The following GIGYF1 variants were observed in gnomAD, a reference collection of about 807,000 sequenced individuals.
The protein encoded by GIGYF1 is GRB10-interacting GYF protein 1.
GIGYF1 carries 84 observed loss-of-function variants against 147.1 expected under a neutral mutation model. The ratio of observed to expected loss-of-function variants is 0.57; its 90% confidence interval spans 0.48 to 0.68. The LOEUF (loss-of-function observed/expected upper bound fraction) is 0.68, where lower values mean the gene tolerates loss of function less well. GIGYF1 is among the 30% of genes least tolerant of loss of function. The pLI is 0.00. For synonymous variants in GIGYF1, 752 were observed against 589.5 expected, an observed-to-expected ratio of 1.28 and a Z score of -3.99; for missense variants, 1,485 against 1,393.7, an observed-to-expected ratio of 1.07 and a Z score of -1.04.
Position 100,684,758 on chromosome 7 carries a change from T to C in GIGYF1, c.1427A>G (p.Lys476Arg), listed in dbSNP as rs144129839. The C allele has an allele frequency of 6.1e-5, 98 of 1,612,292 alleles. No individual in the cohort carries two copies. The East Asian group carries it at 2.1e-3, about 35-fold the overall frequency. The change falls in exon 15 of 27, where the codon AAG becomes AGG. Residue 476 changes from lysine (K) to arginine (R), a missense_variant. Lys to Arg is a conservative substitution (Grantham distance 26). Transcript: ENST00000678049. Reference sequence around the variant, plus strand: ...GCCCTGTGGGTCCTTGTAGAACCACTTCCGGGCAGCCCCATGGCTGAGCGG... The same window carrying C: ...GCCCTGTGGGTCCTTGTAGAACCACCTCCGGGCAGCCCCATGGCTGAGCGG... ...ALPLSHGAAR[K>R]WFYKDPQGEI...
In GIGYF1 at chr7:100,685,412, A is replaced by C. The variant is rs764733811; in HGVS notation, c.1124T>G (p.Leu375Arg). ...KSSSPSPLPT[L>R]GPLWGTNGDG... Reference sequence around the variant, plus strand: ...CCCGTTTGTCCCCCAGAGTGGGCCCAGGGTGGGCAGTGGGGATGGGGAGCT... The same window carrying C: ...CCCGTTTGTCCCCCAGAGTGGGCCCCGGGTGGGCAGTGGGGATGGGGAGCT... Residue 375 changes from leucine (L) to arginine (R), a missense_variant, in exon 13 of 27, where the codon CTG (leucine) becomes CGG (arginine). Physicochemically the swap from Leu to Arg is moderately radical, Grantham distance 102. Transcript: ENST00000678049. The C allele has an allele frequency of 1.3e-6, 2 of 1,587,920 alleles. No homozygotes were observed. The highest frequency in any genetic ancestry group is 2.1e-4 in the Middle Eastern group (1 of 4,684).
rs750591404 is a variant in GIGYF1 at position 100,688,083 on chromosome 7, G to A, written c.63C>T (p.Ser21=). Residue 21 remains serine, a synonymous_variant, in exon 5 of 27, where the codon AGC becomes AGT. Transcript: ENST00000678049. ...CAGGGGACGGGGGTGGGGAGGCCAC[G>A]CTGCCGCCCCCGGACAGGGCCCTGA... ...EWLRALSGGG[S]VASPPPSPAM... is the part of the protein sequence containing the mutation. The A allele has an allele frequency of 2.0e-5, 32 of 1,611,078 alleles. No individual in the cohort carries two copies. Among genetic ancestry groups the A allele is most frequent in the East Asian group, 8.9e-5 (4 of 44,866 alleles).
At chr7:100,690,983 C>G (rs1413030513) in intron 1 of GIGYF1, among the ~76,000 whole-genome samples, 1 of 151,676 alleles carries the variant, frequency 6.6e-6, no homozygotes, top group African/African-American at 2.4e-5. Context: ...AGGCCCAGAG[C>G]AGGAAAAAGC....
At chr7:100,682,505 G>T in intron 23 of GIGYF1, 23 bp from the exon 24 acceptor site, 5 of 1,608,162 alleles carry the variant, frequency 3.1e-6, no homozygotes, top group Non-Finnish European at 4.2e-6. Context: ...GGTGAGTCAG[G>T]GTTGGAAATC....
In GIGYF1 at chr7:100,687,822, G is replaced by A; in HGVS notation, c.227C>T (p.Pro76Leu). ...AAVLQDEPLQPLALEPLTEEE... is the reference protein window; with the variant it reads ...AAVLQDEPLQLLALEPLTEEE... ...CTCAGTCAGCGGCTCCAGAGCCAGG[G>A]GCTGCAGTGGCTCGTCCTGCAGCAC... is the stretch of plus-strand genomic sequence containing the variant. Residue 76 changes from proline (P) to leucine (L), a missense_variant, in exon 6 of 27, where the codon CCC (proline) becomes CTC (leucine). Coordinates refer to ENST00000678049, the MANE Select transcript of GIGYF1 (RefSeq NM_001375765.1). 3.1e-6 allele frequency: 5 copies of A among 1,613,002 alleles called. No individual in the cohort carries two copies. Among genetic ancestry groups the A allele is most frequent in the Non-Finnish European group, 4.2e-6 (5 of 1,179,996 alleles).
In GIGYF1 at chr7:100,688,324, G is replaced by A. The variant is rs1004133748; in HGVS notation, c.-69-17C>T. ...TCCAAACACCTGTGGGGGAACAGGG[G>A]CCATGAAGAACAGCACACGAAGGAG... On this transcript the variant is annotated splice_polypyrimidine_tract_variant and intron_variant, in intron 3 of 26. Coordinates refer to ENST00000678049, the MANE Select transcript of GIGYF1 (RefSeq NM_001375765.1). 44 of 1,130,970 alleles carry A rather than the reference G, an allele frequency of 3.9e-5. No homozygotes were observed. The Admixed American group carries it at 7.6e-4, about 20-fold the overall frequency. The allele number at this position is 1,130,970 out of a possible 1,614,324, so 70.1% of individuals were successfully genotyped here. A position where few individuals can be genotyped will look rare whatever the true frequency, so the allele number is the denominator to read the frequency against.
chr7:100,682,623 C>A lies in GIGYF1; in HGVS notation c.2567G>T (p.Gly856Val), dbSNP rs757246010. The A allele has an allele frequency of 6.3e-7, 1 of 1,597,668 alleles. No homozygotes were observed. Among genetic ancestry groups the A allele is most frequent in the Admixed American group, 1.7e-5 (1 of 58,732 alleles). Residue 856 changes from glycine (G) to valine (V), a missense_variant, in exon 23 of 27, where the codon GGC (glycine) becomes GTC (valine). Physicochemically the swap from Gly to Val is moderately radical, Grantham distance 109. Transcript: ENST00000678049. The stretch of plus-strand genomic sequence containing the variant: ...TGGGCTGCTCCGGCTGTTCTTCAGG[C>A]CGAGGCCACGGACCAGGCTCCCGCC... ...KSGGSLVRGL[G>V]LKNSRSSPSL...
intron 20 of GIGYF1, 32 bp from the exon 21 acceptor site, chr7:100,683,476 TG>T: frequency 6.2e-7 from 1 of 1,614,160 alleles, no homozygotes; most frequent in Non-Finnish European, 8.5e-7. Context: ...AGGGGAGAGC[TG>T]CAGGGGACAG....
intron 14 of GIGYF1, 50 bp from the exon 15 acceptor site, chr7:100,684,944 T>C: frequency 1.3e-6 from 2 of 1,594,788 alleles, no homozygotes; most frequent in Non-Finnish European, 1.7e-6. Context: ...CTCAGCAACA[T>C]CAGGATGGGG....
In GIGYF1 at chr7:100,685,399, C is replaced by G. The variant is rs759941464; in HGVS notation, c.1137G>C (p.Trp379Cys). The change falls in exon 13 of 27, where the codon TGG (tryptophan) becomes TGC (cysteine). Residue 379 changes from tryptophan (W) to cysteine (C), a missense_variant. Physicochemically the swap from Trp to Cys is radical, Grantham distance 215. Coordinates refer to ENST00000678049, the MANE Select transcript of GIGYF1 (RefSeq NM_001375765.1). ...PSPLPTLGPL[W>C]GTNGDGDETA... Reference sequence around the variant, plus strand: ...TTTCGTCCCCATCCCCGTTTGTCCCCCAGAGTGGGCCCAGGGTGGGCAGTG... The same window carrying G: ...TTTCGTCCCCATCCCCGTTTGTCCCGCAGAGTGGGCCCAGGGTGGGCAGTG... The G allele has an allele frequency of 6.3e-7, 1 of 1,591,046 alleles. No individual in the cohort carries two copies. Among genetic ancestry groups the G allele is most frequent in the Non-Finnish European group, 8.5e-7 (1 of 1,174,516 alleles).
Position 100,688,184 on chromosome 7 carries a change from C to T in GIGYF1, c.35+20G>A, listed in dbSNP as rs367580988. 1 of 1,611,626 alleles carries T rather than the reference C, an allele frequency of 6.2e-7. No individual in the cohort carries two copies. On this transcript the variant is annotated intron_variant, in intron 4 of 26. Transcript: ENST00000678049. ...GTGCTTTCTCGAATCTCCACGGCAG[C>T]CGAGGCACAAGTGACTCACCACTCA... is the stretch of plus-strand genomic sequence containing the variant.
In GIGYF1 at chr7:100,682,479, G is replaced by A. The variant is rs748059083; in HGVS notation, c.2604C>T (p.Asp868=). The change falls in exon 24 of 27, where the codon GAC becomes GAT. Residue 868 remains aspartate (D), a synonymous_variant. Transcript: ENST00000678049. ...KNSRSSPSLS[D]SYSHLSGRPI... The stretch of plus-strand genomic sequence containing the variant: ...GCCGACCCGATAGGTGGCTGTATGA[G>A]TCACTGAAGGGGGAGGGTGAGTCAG... 9.9e-6 allele frequency: 16 copies of A among 1,611,628 alleles called. No individual in the cohort carries two copies. Among genetic ancestry groups the A allele is most frequent in the Admixed American group, 5.0e-5 (3 of 60,002 alleles).
In GIGYF1 at chr7:100,683,050, G is replaced by A. The variant is rs777478408; in HGVS notation, c.2374C>T (p.Arg792Trp). 124 of 1,569,440 alleles carry A rather than the reference G, an allele frequency of 7.9e-5. No individual in the cohort carries two copies. Among genetic ancestry groups the A allele is most frequent in the Admixed American group, 7.1e-5 (4 of 56,200 alleles). Residue 792 changes from arginine (R) to tryptophan (W), a missense_variant, in exon 22 of 27, where the codon CGG (arginine) becomes TGG (tryptophan). Physicochemically the swap from Arg to Trp is moderately radical, Grantham distance 101 (BLOSUM62 -3). Transcript: ENST00000678049. Reference protein sequence around the residue: ...ERQLHKQPPPREPARAQAPNH... With the variant: ...ERQLHKQPPPWEPARAQAPNH... ...GGGGCCTGGGCCCGAGCTGGCTCCC[G>A]AGGTGGGGGCTGTTTGTGCAGCTGC...
chr7:100,688,277 G>T lies in GIGYF1; in HGVS notation c.-39C>A. The T allele has an allele frequency of 3.0e-6, 4 of 1,352,538 alleles. No individual in the cohort carries two copies. Among genetic ancestry groups the T allele is most frequent in the Non-Finnish European group, 4.2e-6 (4 of 942,764 alleles). The allele number at this position is 1,352,538 out of a possible 1,614,324, so 83.8% of individuals were successfully genotyped here. A position where few individuals can be genotyped will look rare whatever the true frequency, so the allele number is the denominator to read the frequency against. On this transcript the variant is annotated 5_prime_UTR_variant, in exon 4 of 27. Transcript: ENST00000678049. ...GTGTTTGAGAGGCCGGGGGTGGGGA[G>T]GAGGGGACCTGGCGTTCACTGTCCA...
At chr7:100,686,910 C>T in intron 9 of GIGYF1, 91 bp from the exon 10 acceptor site, 5 of 1,604,396 alleles carry the variant, frequency 3.1e-6, no homozygotes, top group Non-Finnish European at 4.3e-6. Context: ...TCCAGGCCCT[C>T]CTGCCCCCAA....
In GIGYF1 at chr7:100,693,425, C is replaced by T. The variant is rs58602862; in HGVS notation, c.-1099+685G>A. 1.9e-3 allele frequency among the ~76,000 whole-genome samples: 290 copies of T among 152,236 alleles called. 2 individuals are homozygous for T. Among genetic ancestry groups the T allele is most frequent in the African/African-American group, 6.7e-3 (279 of 41,542 alleles). ...GCAGTCTCTGCTAAGGAAGGTATTT[C>T]CCGCGGCCGAGCAACTGGGAAGAAG... On this transcript the variant is annotated intron_variant, in intron 1 of 26. Coordinates refer to ENST00000678049, the MANE Select transcript of GIGYF1 (RefSeq NM_001375765.1).
chr7:100,690,147 A>G (rs75581703), intron 1 of GIGYF1, among the ~76,000 whole-genome samples: 3,231 of 152,300 alleles, frequency 0.021, 349 homozygotes, highest in Admixed American at 0.18. Context: ...CACAATAATC[A>G]TTTTTTTAAA....
Position 100,681,962 on chromosome 7 carries a change from G to A in GIGYF1, c.2957C>T (p.Thr986Met), listed in dbSNP as rs368288438. ...GGTGCTGTGGTTGGCCTGGAAGGCC[G>A]TCTGCAGCGAGGCGCTGCTCAGCCA... is the stretch of plus-strand genomic sequence containing the variant. ...EAWLSSASLQ[T>M]AFQANHSTKL... The change falls in exon 26 of 27, where the codon ACG becomes ATG. Residue 986 changes from threonine to methionine, a missense_variant. By Grantham distance (81) the Thr-to-Met change is moderately conservative (BLOSUM62 -1). Transcript: ENST00000678049. The A allele has an allele frequency of 3.7e-5, 59 of 1,609,018 alleles. No homozygotes were observed. Among genetic ancestry groups the A allele is most frequent in the Non-Finnish European group, 4.4e-5 (52 of 1,179,926 alleles).
At chr7:100,688,346 G>A in intron 3 of GIGYF1, 39 bp from the exon 4 acceptor site, 5 of 1,012,228 alleles carry the variant, frequency 4.9e-6, no homozygotes, top group Non-Finnish European at 7.5e-6. Context: ...AGCACACGAA[G>A]GAGAACTTTA....
Sources: allele counts gnomAD v4.1 joint callset (sites outside exome capture counted in the v4.1 genomes callset), GRCh38; gene constraint gnomAD v4.1.1; transcripts MANE v1.5; gene names NCBI Gene and HGNC (gene_info 2026-07-23, HGNC 2026-07-21).